The following CUL9 variants were observed in gnomAD, a reference collection of about 807,000 sequenced individuals.
The protein encoded by CUL9 is cullin 9, also known as cullin-9.
Under a neutral mutation model 272.6 loss-of-function variants are expected in CUL9, and 79 were observed. The observed-to-expected ratio is 0.29, with a 90% CI of 0.24 to 0.35. CUL9 has a LOEUF of 0.35. Ranked by LOEUF, CUL9 falls within the 10% of genes least tolerant of loss-of-function variation. The pLI is 1.00. For synonymous variants in CUL9, 1,186 were observed against 1,286.5 expected, an observed-to-expected ratio of 0.92 and a Z score of 1.67; for missense variants, 2,532 against 3,255.6, an observed-to-expected ratio of 0.78 and a Z score of 5.41.
intron 9 of CUL9, among the ~76,000 whole-genome samples, chr6:43,193,891 A>G (rs767566553): frequency 5.3e-5 from 8 of 152,002 alleles, no homozygotes; most frequent in Non-Finnish European, 1.0e-4. Flanking sequence ...TTAAAAGCTA[A>G]TTTTCTAGAT....
intron 8 of CUL9, among the ~76,000 whole-genome samples, chr6:43,192,372 C>T (rs1773604389): frequency 6.6e-6 from 1 of 152,084 alleles, no homozygotes; most frequent in Admixed American, 6.5e-5. Context: ...CTCAACATTT[C>T]CAAGGCTTGG....
rs758578766 is a variant in CUL9, at chr6:43,200,068, G to C, written c.3296G>C (p.Cys1099Ser). The part of the protein sequence containing the change: ...DKHSAQLLLG[C>S]ELRDLVTECE... ...CACTCAGCTCAGCTGCTGCTGGGCTGTGAGCTTCGGGACCTGGTGACAGAG... is the reference window on the plus strand; with the variant it reads ...CACTCAGCTCAGCTGCTGCTGGGCTCTGAGCTTCGGGACCTGGTGACAGAG... The change falls in exon 14 of 41, where the codon TGT becomes TCT. Residue 1099 changes from cysteine (C) to serine (S), a missense_variant. Physicochemically the swap from Cys to Ser is moderately radical, Grantham distance 112. This residue lies in a region of CUL9 where 2,218 missense variants were observed against 2,788.6 expected (regional missense o/e 0.80). Transcript: ENST00000252050. This position sits in a 1 kb window ranked among gnomAD's most constrained non-coding sequence, Gnocchi z 4.0. The C allele has an allele frequency of 6.2e-7, 1 of 1,614,248 alleles. No individual in the cohort carries two copies.
Position 43,203,275 on chromosome 6 carries a change from G to A in CUL9, c.3849+71G>A. 6.2e-7 allele frequency: 1 copy of A among 1,601,728 alleles called. No individual in the cohort carries two copies. Among genetic ancestry groups the A allele is most frequent in the Non-Finnish European group, 8.6e-7 (1 of 1,169,210 alleles). On this transcript the variant is annotated intron_variant, in intron 18 of 40. Transcript: ENST00000252050. The surrounding 1 kb of genome is among the most constrained non-coding windows in gnomAD (Gnocchi z 5.0). ...ACAAGTTTCTCCTTGATCTGCTTGGGAGATGGCCCAGGACCTGTTGAGTCC... is the reference window on the plus strand; with the variant it reads ...ACAAGTTTCTCCTTGATCTGCTTGGAAGATGGCCCAGGACCTGTTGAGTCC...
chr6:43,216,971 AG>A (rs918531442), intron 31 of CUL9, among the ~76,000 whole-genome samples: 5 of 152,248 alleles, frequency 3.3e-5, no homozygotes, highest in African/African-American at 1.2e-4. Flanking sequence ...TGATGACTCT[AG>A]TTTGTGGTTG....
intron 26 of CUL9, among the ~76,000 whole-genome samples, chr6:43,208,048 T>C (rs1360952167): frequency 6.6e-6 from 1 of 152,252 alleles, no homozygotes; most frequent in Non-Finnish European, 1.5e-5. Flanking sequence ...AAGGTTAAAA[T>C]AGTTTAACAG....
Position 43,199,187 on chromosome 6 carries a change from C to T in CUL9, c.3051-79C>T, listed in dbSNP as rs1331954160. On this transcript the variant is annotated intron_variant, in intron 12 of 40. Coordinates refer to ENST00000252050, the MANE Select transcript of CUL9 (RefSeq NM_015089.4). This position sits in a 1 kb window ranked among gnomAD's most constrained non-coding sequence, Gnocchi z 4.4. ...CCGACCTCAGGTGATCCGCCCACTT[C>T]GGCCTCCCAAAGTGCTGGGATTACA... 1.8e-5 allele frequency: 21 copies of T among 1,194,682 alleles called. No homozygotes were observed. The highest frequency in any genetic ancestry group is 2.2e-5 in the Non-Finnish European group (18 of 807,446). 74.0% of individuals were successfully genotyped at this position (1,194,682 alleles called of 1,614,324 possible).
intron 10 of CUL9, 156 bp from the exon 11 acceptor site, chr6:43,196,489 G>A: frequency 1.2e-6 from 1 of 829,204 alleles, no homozygotes. Context: ...TATGGGTTTG[G>A]GAGGAGTGGC....
Position 43,196,080 on chromosome 6 carries a change from G to A in CUL9, c.2400G>A (p.Met800Ile). The A allele has an allele frequency of 1.2e-6, 2 of 1,612,438 alleles. No individual in the cohort carries two copies. The highest frequency in any genetic ancestry group is 1.7e-6 in the Non-Finnish European group (2 of 1,178,834). ...CATCCCCCTCACAGGCACTGAAGAT[G>A]CTGGCCGTCGCCAGCTCCTCGGAGA... Reference protein sequence around the residue: ...VQQAGLAALKMLAVASSSEIP... With the variant: ...VQQAGLAALKILAVASSSEIP... The change falls in exon 10 of 41, where the codon ATG becomes ATA. Residue 800 changes from methionine to isoleucine, a missense_variant. Physicochemically the swap from Met to Ile is conservative, Grantham distance 10 (BLOSUM62 1). Transcript: ENST00000252050.
chr6:43,224,552 C>A lies in CUL9; in HGVS notation c.*107C>A. Reference sequence around the variant, plus strand: ...GGGATTCCCAGCGTCTGTAGTGCTTCCTGTTTGCTGAATAAAGGTCTCTTT... The same window carrying A: ...GGGATTCCCAGCGTCTGTAGTGCTTACTGTTTGCTGAATAAAGGTCTCTTT... On this transcript the variant is annotated 3_prime_UTR_variant, in exon 41 of 41. Coordinates refer to ENST00000252050, the MANE Select transcript of CUL9 (RefSeq NM_015089.4). The surrounding 1 kb of genome is among the most constrained non-coding windows in gnomAD (Gnocchi z 4.2). The A allele has an allele frequency of 9.4e-7, 1 of 1,058,688 alleles. No individual in the cohort carries two copies. 65.6% of individuals were successfully genotyped at this position (1,058,688 alleles called of 1,614,324 possible). A position where few individuals can be genotyped will look rare whatever the true frequency, so the allele number is the denominator to read the frequency against.
chr6:43,220,563 T>G lies in CUL9; in HGVS notation c.6387T>G (p.Ile2129Met), dbSNP rs550107901. ...DCPAQPTGAF[I>M]RAIVSSPEVI... Reference sequence around the variant, plus strand: ...CCGCCCAGCCCACCGGAGCCTTCATTCGTGCCATCGTCTCCTCGCCAGAGG... The same window carrying G: ...CCGCCCAGCCCACCGGAGCCTTCATGCGTGCCATCGTCTCCTCGCCAGAGG... Residue 2129 changes from isoleucine (I) to methionine (M), a missense_variant, in exon 32 of 41, where the codon ATT becomes ATG. Ile to Met is a conservative substitution (Grantham distance 10). Around this residue, in one of 3 missense-constraint regions of CUL9, gnomAD observed 2,218 missense variants for 2,788.6 expected, o/e 0.80. Transcript: ENST00000252050. The surrounding 1 kb of genome is among the most constrained non-coding windows in gnomAD (Gnocchi z 4.9). 22 of 1,614,086 alleles carry G rather than the reference T, an allele frequency of 1.4e-5. No homozygotes were observed. In the South Asian group the frequency reaches 1.6e-4, roughly 12 times the overall value.
In CUL9 at chr6:43,203,635, C is replaced by T. The variant is rs1332187140; in HGVS notation, c.4025+43C>T. 29 of 1,591,364 alleles carry T rather than the reference C, an allele frequency of 1.8e-5. No homozygotes were observed. The highest frequency in any genetic ancestry group is 2.5e-5 in the Non-Finnish European group (29 of 1,167,648). ...AGGGAAGATGGGTAAGGGAACAGGA[C>T]ACTGTGAGAAGTAGGAGGGATGCTC... On this transcript the variant is annotated intron_variant, in intron 19 of 40. Transcript: ENST00000252050. The surrounding 1 kb of genome is among the most constrained non-coding windows in gnomAD (Gnocchi z 5.0).
chr6:43,192,060 T>C (rs1361580799), intron 8 of CUL9, among the ~76,000 whole-genome samples: 1 of 79,582 alleles, frequency 1.3e-5, no homozygotes, highest in East Asian at 2.9e-4. Context: ...CCCTTTTCTC[T>C]TTTTTTTTTT....
rs1382133362 is a variant in CUL9, at chr6:43,204,739, T to C, written c.4340-9T>C. ...ATGAAACCCCTTCCTTCTCCCTCTG[T>C]CTCTACAGTCAGCAAGAACAGCAAG... On this transcript the variant is annotated splice_polypyrimidine_tract_variant and intron_variant, in intron 21 of 40. Coordinates refer to ENST00000252050, the MANE Select transcript of CUL9 (RefSeq NM_015089.4). 6.2e-7 allele frequency: 1 copy of C among 1,613,642 alleles called. No individual in the cohort carries two copies. Among genetic ancestry groups the C allele is most frequent in the Non-Finnish European group, 8.5e-7 (1 of 1,179,788 alleles).
Position 43,223,351 on chromosome 6 carries a change from G to A in CUL9, c.7238G>A (p.Arg2413Gln), listed in dbSNP as rs770000789. ...CTCAGCACGGGCATGGAGCTGCTCC[G>A]GCGGATCCAGGAGAGGCTGCTTGCC... Reference protein sequence around the residue: ...DCLSTGMELLRRIQERLLAIL... With the variant: ...DCLSTGMELLQRIQERLLAIL... The change falls in exon 39 of 41, where the codon CGG (arginine) becomes CAG (glutamine). Residue 2413 changes from arginine to glutamine, a missense_variant. Arg to Gln is a conservative substitution (Grantham distance 43, BLOSUM62 1). This residue lies in a region of CUL9 where 237 missense variants were observed against 305.9 expected (regional missense o/e 0.77). Coordinates refer to ENST00000252050, the MANE Select transcript of CUL9 (RefSeq NM_015089.4). The surrounding 1 kb of genome is among the most constrained non-coding windows in gnomAD (Gnocchi z 4.1). 6.9e-6 allele frequency: 11 copies of A among 1,601,252 alleles called. 1 individual carries two copies. Among genetic ancestry groups the A allele is most frequent in the South Asian group, 5.6e-5 (5 of 88,690 alleles).
intron 30 of CUL9, 73 bp downstream of exon 30, chr6:43,215,399 G>A (rs1775855606): frequency 6.6e-7 from 1 of 1,506,536 alleles, no homozygotes; most frequent in African/African-American, 1.4e-5. Context: ...CCCTTGTGGA[G>A]AAACACTTCC....
chr6:43,194,862 C>G (rs1327616387), intron 9 of CUL9, among the ~76,000 whole-genome samples: 1 of 152,134 alleles, frequency 6.6e-6, no homozygotes, highest in African/African-American at 2.4e-5. Context: ...TTGAGACCAG[C>G]CTGGCCAACA....
Position 43,199,275 on chromosome 6 carries a change from C to T in CUL9, c.3060C>T (p.Thr1020=), listed in dbSNP as rs1774316162. 1.2e-6 allele frequency: 2 copies of T among 1,613,144 alleles called. No homozygotes were observed. The highest frequency in any genetic ancestry group is 1.3e-5 in the African/African-American group (1 of 75,018). ...TLLLSVLRVI[T]RLLDFPEAMV... ...TCTACCCCCTCACCAGGGTCATAAC[C>T]CGACTGCTGGATTTCCCTGAGGCAA... is the stretch of plus-strand genomic sequence containing the variant. The change falls in exon 13 of 41, where the codon ACC becomes ACT. Residue 1020 remains threonine (T), a synonymous_variant. Transcript: ENST00000252050. The surrounding 1 kb of genome is among the most constrained non-coding windows in gnomAD (Gnocchi z 4.4).
chr6:43,222,957 G>A, intron 38 of CUL9, 61 bp downstream of exon 38: 1 of 1,419,200 alleles, frequency 7.0e-7, no homozygotes, highest in Non-Finnish European at 9.9e-7. Flanking sequence ...GCACAGCCCG[G>A]CCCCTCCCAG....
In CUL9 at chr6:43,213,620, T is replaced by G. The variant is rs1020931210; in HGVS notation, c.5488+53T>G. On this transcript the variant is annotated intron_variant, in intron 28 of 40. Transcript: ENST00000252050. The surrounding 1 kb of genome is among the most constrained non-coding windows in gnomAD (Gnocchi z 5.7). ...TCTGCTGCTGGTCGGGGGGTCGCCCTCAAGATGGGGGGACTGTGAGAATGG... is the reference window on the plus strand; with the variant it reads ...TCTGCTGCTGGTCGGGGGGTCGCCCGCAAGATGGGGGGACTGTGAGAATGG... 1.3e-6 allele frequency: 2 copies of G among 1,539,446 alleles called. No individual in the cohort carries two copies. The highest frequency in any genetic ancestry group is 1.8e-6 in the Non-Finnish European group (2 of 1,124,262).
Sources: allele counts gnomAD v4.1 joint callset (sites outside exome capture counted in the v4.1 genomes callset), GRCh38; gene constraint gnomAD v4.1.1; regional missense constraint gnomAD v4.1.1; non-coding constraint Gnocchi (gnomAD v3.1); transcripts MANE v1.5; gene names NCBI Gene and HGNC (gene_info 2026-07-23, HGNC 2026-07-21).